The following GALNT14 variants were observed in gnomAD, a reference collection of about 807,000 sequenced individuals.
The protein encoded by GALNT14 is polypeptide N-acetylgalactosaminyltransferase 14.
A neutral mutation model predicts 77.5 loss-of-function variants in GALNT14; 60 were observed. The observed-to-expected ratio is 0.77, with a 90% CI of 0.63 to 0.96. GALNT14 has a LOEUF of 0.96. Ranked by LOEUF, GALNT14 falls within the 40% of genes least tolerant of loss-of-function variation. The probability of loss-of-function intolerance (pLI) is 0.00; values close to 1 mark genes in which losing one functional copy is unlikely to be tolerated. For missense variants in GALNT14, 710 were observed against 731.0 expected (o/e 0.97, Z 0.33); for synonymous variants, 280 against 281.7 (o/e 0.99, Z 0.06).
intron 2 of GALNT14, among the ~76,000 whole-genome samples, chr2:30,987,753 T>A (rs1371378369): frequency 1.8e-5 from 2 of 108,724 alleles, no homozygotes; most frequent in Admixed American, 1.1e-4. Flanking sequence ...ACCTGCTGCC[T>A]CCCACATCAT....
intron 1 of GALNT14, among the ~76,000 whole-genome samples, chr2:31,019,908 CT>C (rs1671610194): frequency 3.3e-5 from 5 of 152,164 alleles, no homozygotes; most frequent in Admixed American, 3.3e-4. Flanking sequence ...AAGGCTTACT[CT>C]TGGGCCAGAA....
intron 1 of GALNT14, among the ~76,000 whole-genome samples, chr2:31,008,229 C>T (rs1670798244): frequency 6.6e-6 from 1 of 152,150 alleles, no homozygotes. Flanking sequence ...GCTGGGACTA[C>T]AGGCACACGA....
intron 1 of GALNT14, among the ~76,000 whole-genome samples, chr2:31,077,538 G>A (rs550352768): frequency 1.3e-5 from 2 of 152,172 alleles, no homozygotes; most frequent in South Asian, 4.1e-4. Context: ...AAAGATACTA[G>A]TCTCATCTGA....
intron 1 of GALNT14, among the ~76,000 whole-genome samples, chr2:31,133,764 G>A (rs1435325430): frequency 6.6e-6 from 1 of 152,160 alleles, no homozygotes; most frequent in African/African-American, 2.4e-5. Flanking sequence ...AAGTGGCATA[G>A]TATTTACCAT....
At chr2:30,992,267 T>C (rs185839696) in intron 2 of GALNT14, among the ~76,000 whole-genome samples, 170 of 152,284 alleles carry the variant, frequency 1.1e-3, no homozygotes, top group African/African-American at 3.7e-3. Flanking sequence ...TGCAACCCAC[T>C]GAAGGCATGG....
rs772181235 is a variant in GALNT14 at position 30,910,872 on chromosome 2, A to AT, written c.*28dup. 44 of 1,610,088 alleles carry AT rather than the reference A, an allele frequency of 2.7e-5. No individual in the cohort carries two copies. The African/African-American group carries it at 5.5e-4, about 20-fold the overall frequency. ...TTCTGGTCCAGGGAAGCACCACCCC[A>AT]TGGCCCTTGCTGCTTCTGGCAGGGG... On this transcript the variant is annotated 3_prime_UTR_variant, in exon 15 of 15. Transcript: ENST00000349752.
intron 1 of GALNT14, among the ~76,000 whole-genome samples, chr2:31,123,626 C>A (rs953650545): frequency 6.6e-6 from 1 of 152,158 alleles, no homozygotes; most frequent in African/African-American, 2.4e-5. Flanking sequence ...TTCTAATAAG[C>A]AGCCCTGTGG....
At chr2:31,032,061 T>C (rs918520367) in intron 1 of GALNT14, among the ~76,000 whole-genome samples, 2 of 152,134 alleles carry the variant, frequency 1.3e-5, no homozygotes, top group African/African-American at 2.4e-5. Context: ...GATGAAACCA[T>C]GGTGGGGTTT....
chr2:31,068,428 A>C (rs1675123675), intron 1 of GALNT14, among the ~76,000 whole-genome samples: 1 of 150,890 alleles, frequency 6.6e-6, no homozygotes, highest in Admixed American at 6.6e-5. Flanking sequence ...CGAAGGTTGC[A>C]GTGAGCCCAG....
intron 11 of GALNT14, among the ~76,000 whole-genome samples, chr2:30,925,205 C>T (rs6718262): frequency 0.19 from 29,467 of 152,064 alleles, 3,082 homozygotes; most frequent in East Asian, 0.4. Context: ...ATTCTGCAGC[C>T]GAAACACCAC....
chr2:30,944,054 G>A (rs1227046927), intron 8 of GALNT14, among the ~76,000 whole-genome samples: 1 of 152,192 alleles, frequency 6.6e-6, no homozygotes, highest in Non-Finnish European at 1.5e-5. Flanking sequence ...GAAATCCAGT[G>A]GCCTCTGTAT....
At chr2:31,104,475 C>G (rs1278479310) in intron 1 of GALNT14, among the ~76,000 whole-genome samples, 1 of 152,116 alleles carries the variant, frequency 6.6e-6, no homozygotes, top group Non-Finnish European at 1.5e-5. Flanking sequence ...GTCAAAAAAT[C>G]AACAATGATA....
intron 1 of GALNT14, among the ~76,000 whole-genome samples, chr2:31,070,725 A>T (rs1675309908): frequency 1.3e-5 from 2 of 152,240 alleles, no homozygotes; most frequent in Admixed American, 1.3e-4. Flanking sequence ...GTGTAGCCAC[A>T]TGCCCAAATC....
At chr2:31,072,572 T>C (rs917190137) in intron 1 of GALNT14, among the ~76,000 whole-genome samples, 2 of 152,106 alleles carry the variant, frequency 1.3e-5, no homozygotes, top group African/African-American at 4.8e-5. Flanking sequence ...CTTACTGCCT[T>C]ACAACCTGGA....
At chr2:30,982,799 A>G (rs1413224004) in intron 2 of GALNT14, among the ~76,000 whole-genome samples, 1 of 152,224 alleles carries the variant, frequency 6.6e-6, no homozygotes, top group East Asian at 1.9e-4. Flanking sequence ...TTCCATATGT[A>G]TCTTATATTT....
At chr2:30,987,297 A>C (rs748185001) in intron 2 of GALNT14, among the ~76,000 whole-genome samples, 6 of 152,166 alleles carry the variant, frequency 3.9e-5, no homozygotes, top group Non-Finnish European at 7.3e-5. Context: ...TGCTAAGCCC[A>C]AGCATGAATG....
chr2:31,055,893 C>A (rs555175306), intron 1 of GALNT14, among the ~76,000 whole-genome samples: 82 of 152,298 alleles, frequency 5.4e-4, no homozygotes, highest in Non-Finnish European at 9.0e-4. Flanking sequence ...CAAGAAGAGA[C>A]CTAGACAGCG....
chr2:30,895,199 C>T, the GALNT14 span, among the ~76,000 whole-genome samples: 1 of 152,142 alleles, frequency 6.6e-6, no homozygotes, highest in African/African-American at 2.4e-5. Flanking sequence ...TTGACAAGCA[C>T]CTTTGAGAGC....
the GALNT14 span, among the ~76,000 whole-genome samples, chr2:30,902,012 C>G: frequency 1.4e-4 from 22 of 152,158 alleles, no homozygotes; most frequent in Non-Finnish European, 2.8e-4. Flanking sequence ...GTGTGCTAGT[C>G]CAGGTTACTA....
Sources: gnomAD v4.1 joint callset for allele counts (sites outside exome capture counted in the v4.1 genomes callset) on GRCh38, gnomAD v4.1.1 for gene constraint, MANE v1.5 for transcripts, NCBI Gene and HGNC (gene_info 2026-07-23, HGNC 2026-07-21) for gene names.